SLC2A9: variants seen among roughly 807,000 people sequenced by gnomAD.
SLC2A9 encodes solute carrier family 2, facilitated glucose transporter member 9.
In SLC2A9, 39 loss-of-function variants were observed where a neutral mutation model predicts 50.6. The ratio of observed to expected loss-of-function variants is 0.77; its 90% CI spans 0.60 to 1.01. The LOEUF is 1.01. Ranked by LOEUF, SLC2A9 falls within the 50% of genes least tolerant of loss-of-function variation. The pLI is 0.00. For missense variants in SLC2A9, 686 were observed against 677.6 expected (o/e 1.01, Z -0.14); for synonymous variants, 324 against 276.9 (o/e 1.17, Z -1.69).
At chr4:9,981,153 ATGG>A (rs199517204) in intron 4 of SLC2A9, among the ~76,000 whole-genome samples, 1 of 51,782 alleles carries the variant, frequency 1.9e-5, no homozygotes, top group Non-Finnish European at 4.1e-5. Context: ...GACGGTGATG[ATGG>A]TGGTGGTAAT....
intron 3 of SLC2A9, among the ~76,000 whole-genome samples, chr4:9,986,401 C>T (rs1167647074): frequency 6.6e-6 from 1 of 152,166 alleles, no homozygotes; most frequent in Non-Finnish European, 1.5e-5. Context: ...CTGGGACTGG[C>T]AGGAAACTCA....
chr4:9,916,215 C>T (rs542432888), intron 7 of SLC2A9, among the ~76,000 whole-genome samples: 2 of 152,274 alleles, frequency 1.3e-5, no homozygotes, highest in Admixed American at 6.5e-5. Context: ...GAGTACACAA[C>T]GATTTCCCAA....
chr4:9,982,031 G>A (rs747984355), intron 4 of SLC2A9, among the ~76,000 whole-genome samples: 1 of 152,040 alleles, frequency 6.6e-6, no homozygotes, highest in African/African-American at 2.4e-5. Flanking sequence ...ATAGGCATGC[G>A]CCACCACGCC....
At chr4:10,024,631 C>G (rs866805671), upstream of SLC2A9, among the ~76,000 whole-genome samples, 275 of 152,296 alleles carry the variant, frequency 1.8e-3, no homozygotes, top group African/African-American at 6.2e-3. Flanking sequence ...TTTGTCTTGG[C>G]AGCCCCAGCA....
chr4:9,998,781 T>A (rs993069652), intron 2 of SLC2A9, among the ~76,000 whole-genome samples: 26 of 152,098 alleles, frequency 1.7e-4, no homozygotes, highest in Non-Finnish European at 2.8e-4. Context: ...ATAAACAAAT[T>A]GCAGAATCAT....
chr4:9,938,838 C>T (rs966339114), intron 6 of SLC2A9, among the ~76,000 whole-genome samples: 19 of 152,268 alleles, frequency 1.2e-4, no homozygotes, highest in South Asian at 8.3e-4. Context: ...CTGGGATTCT[C>T]CTAAACTGAC....
intron 1 of SLC2A9, among the ~76,000 whole-genome samples, chr4:10,020,726 C>T (rs1763402183): frequency 6.6e-6 from 1 of 152,202 alleles, no homozygotes; most frequent in South Asian, 2.1e-4. Flanking sequence ...TGCTCCCAGC[C>T]CCGATGACCT....
At chr4:9,781,319 A>G (rs1718325967) in intron 3 of SLC2A9, among the ~76,000 whole-genome samples, 2 of 152,162 alleles carry the variant, frequency 1.3e-5, no homozygotes, top group Non-Finnish European at 2.9e-5. Context: ...CTTACCCTTC[A>G]AATGCTCTTT....
At chr4:9,862,210 C>T (rs1283176077) in intron 10 of SLC2A9, among the ~76,000 whole-genome samples, 6 of 152,054 alleles carry the variant, frequency 3.9e-5, no homozygotes, top group Non-Finnish European at 8.8e-5. Flanking sequence ...CCAGTGAAGA[C>T]AACTTTGGAT....
In SLC2A9 at chr4:9,826,261, T is replaced by C. The variant is rs1188213874; in HGVS notation, c.*136A>G. 25 of 797,264 alleles carry C rather than the reference T, an allele frequency of 3.1e-5. No individual in the cohort carries two copies. The highest frequency in any genetic ancestry group is 4.6e-5 in the Non-Finnish European group (22 of 476,802). 49.4% of individuals were successfully genotyped at this position (797,264 alleles called of 1,614,324 possible). On this transcript the variant is annotated 3_prime_UTR_variant, in exon 12 of 12. Coordinates refer to ENST00000264784, the MANE Select transcript of SLC2A9 (RefSeq NM_020041.3). The stretch of plus-strand genomic sequence containing the variant: ...AGGTTTACTTTTAAATATTTAATAA[T>C]ATAAAAGACTTGCATAGCTTCAATT...
intron 1 of SLC2A9, among the ~76,000 whole-genome samples, chr4:10,027,660 CT>C (rs1189767209): frequency 6.6e-6 from 1 of 152,122 alleles, no homozygotes; most frequent in Non-Finnish European, 1.5e-5. Context: ...CCTCCTGAGT[CT>C]GGAGCATTGG....
intron 5 of SLC2A9, among the ~76,000 whole-genome samples, chr4:9,966,426 T>A (rs6449177): frequency 1.3e-5 from 2 of 151,924 alleles, no homozygotes; most frequent in Non-Finnish European, 2.9e-5. Context: ...TGGGCCAAGG[T>A]GGGTGGATCA....
At chr4:9,841,649 A>T (rs1348981659) in intron 10 of SLC2A9, among the ~76,000 whole-genome samples, 4 of 152,078 alleles carry the variant, frequency 2.6e-5, no homozygotes. Context: ...GGGTAGAAAA[A>T]TTGGTTAGGG....
At chr4:9,858,832 C>T (rs1731141481) in intron 10 of SLC2A9, among the ~76,000 whole-genome samples, 1 of 152,168 alleles carries the variant, frequency 6.6e-6, no homozygotes, top group South Asian at 2.1e-4. Context: ...GAGGCAGACC[C>T]ACCCTCCATC....
intron 5 of SLC2A9, among the ~76,000 whole-genome samples, chr4:9,969,783 C>T (rs1753600610): frequency 6.6e-6 from 1 of 152,198 alleles, no homozygotes; most frequent in South Asian, 2.1e-4. Context: ...TATTCACTAT[C>T]ATGAGAACAG....
At position 9,826,315 on chromosome 4, in the gene SLC2A9, T is replaced by G; in HGVS notation, c.*82A>C. ...TTAAGCTTCCCAATAATGGGTAAAT[T>G]TTAAGTTTCCTGAAAAGTGAGATCA... On this transcript the variant is annotated 3_prime_UTR_variant, in exon 12 of 12. Transcript: ENST00000264784. 1.4e-6 allele frequency: 2 copies of G among 1,442,354 alleles called. No individual in the cohort carries two copies. The highest frequency in any genetic ancestry group is 2.3e-5 in the South Asian group (2 of 86,800). The allele number at this position is 1,442,354 out of a possible 1,614,324, so 89.3% of individuals were successfully genotyped here. A position where few individuals can be genotyped will look rare whatever the true frequency, so the allele number is the denominator to read the frequency against.
chr4:9,815,252 G>A (rs543340882), intron 3 of SLC2A9, among the ~76,000 whole-genome samples: 23 of 152,324 alleles, frequency 1.5e-4, no homozygotes, highest in African/African-American at 3.4e-4. Context: ...CTAGGAATCC[G>A]TGCTCCTTTA....
intron 10 of SLC2A9, among the ~76,000 whole-genome samples, chr4:9,855,659 A>G (rs1730614437): frequency 6.6e-6 from 1 of 152,156 alleles, no homozygotes; most frequent in Non-Finnish European, 1.5e-5. Context: ...CATAGCCCAG[A>G]TCCTAAGCAA....
In SLC2A9 at chr4:10,021,292, T is replaced by A. The variant is rs1227186425; in HGVS notation, c.138A>T (p.Gly46=). The change falls in exon 1 of 12, where the codon GGA becomes GGT. Residue 46 remains glycine, a synonymous_variant. Coordinates refer to ENST00000264784, the MANE Select transcript of SLC2A9 (RefSeq NM_020041.3). ...CDHLRSGVPG[G]RRRKDWSCSL... The stretch of plus-strand genomic sequence containing the variant: ...TGTCCGTAGTTACCTTTCTTCTCCT[T>A]CCACCTGGCACCCCACTCCTCAGGT... 6.2e-7 allele frequency: 1 copy of A among 1,613,794 alleles called. No individual in the cohort carries two copies. Among genetic ancestry groups the A allele is most frequent in the South Asian group, 1.1e-5 (1 of 91,052 alleles).
Sources: gnomAD v4.1 joint callset for allele counts (sites outside exome capture counted in the v4.1 genomes callset) on GRCh38, gnomAD v4.1.1 for gene constraint, MANE v1.5 for transcripts, NCBI Gene and HGNC (gene_info 2026-07-23, HGNC 2026-07-21) for gene names.